The following CDK14 variants were observed in gnomAD, a reference collection of about 807,000 sequenced individuals.
The protein encoded by CDK14 is cyclin-dependent kinase 14.
CDK14 carries 34 observed loss-of-function variants against 60.7 expected under a neutral mutation model. The observed-to-expected ratio is 0.56, with a 90% CI of 0.43 to 0.75. The LOEUF (loss-of-function observed/expected upper bound fraction) is 0.75, where lower values mean the gene tolerates loss of function less well. Ranked by LOEUF, CDK14 falls within the 30% of genes least tolerant of loss-of-function variation. The pLI, the probability that CDK14 is intolerant of heterozygous loss-of-function variation, is 0.00. For missense variants in CDK14, 482 were observed against 564.1 expected, an observed-to-expected ratio of 0.85 and a Z score of 1.47; for synonymous variants, 197 against 203.7, an observed-to-expected ratio of 0.97 and a Z score of 0.28.
chr7:91,117,726 A>G (rs1799651276), intron 13 of CDK14, among the ~76,000 whole-genome samples: 1 of 152,232 alleles, frequency 6.6e-6, no homozygotes, highest in South Asian at 2.1e-4. Flanking sequence ...AATTCCCAGA[A>G]CAGTGTGAGG....
At chr7:91,086,520 C>T (rs1369330587) in intron 12 of CDK14, among the ~76,000 whole-genome samples, 2 of 152,106 alleles carry the variant, frequency 1.3e-5, no homozygotes, top group Non-Finnish European at 2.9e-5. Context: ...CCTTGATCTC[C>T]CCTAACTCTA....
At chr7:91,152,042 T>C (rs1428367606) in intron 14 of CDK14, among the ~76,000 whole-genome samples, 1 of 152,226 alleles carries the variant, frequency 6.6e-6, no homozygotes, top group Non-Finnish European at 1.5e-5. Flanking sequence ...ATGGGCTTGG[T>C]TGGCTTTGTA....
chr7:91,172,587 G>A (rs1257647977), intron 14 of CDK14, among the ~76,000 whole-genome samples: 3 of 152,286 alleles, frequency 2.0e-5, no homozygotes. Context: ...AGATGGTGAA[G>A]TAAATAATTC....
chr7:91,120,164 A>G (rs998950700), intron 14 of CDK14, among the ~76,000 whole-genome samples: 26 of 152,166 alleles, frequency 1.7e-4, no homozygotes, highest in African/African-American at 2.7e-4. Flanking sequence ...CTGAATTTCA[A>G]TTGCAAGGCT....
At chr7:91,172,205 T>C (rs971620732) in intron 14 of CDK14, among the ~76,000 whole-genome samples, 2 of 152,216 alleles carry the variant, frequency 1.3e-5, no homozygotes, top group Admixed American at 6.5e-5. Flanking sequence ...CCACCTTCAC[T>C]GGAAGATTCT....
chr7:90,928,974 C>T (rs1017184975), intron 8 of CDK14, among the ~76,000 whole-genome samples: 10 of 152,340 alleles, frequency 6.6e-5, no homozygotes, highest in Middle Eastern at 3.4e-3. Flanking sequence ...TCTCAGACTG[C>T]TGTGCCAGCA....
rs150081971 is a variant in CDK14, at chr7:91,010,140, G to A, written c.1041+25899G>A. ...CATAGACTGTTTCATCTTGATGTCA[G>A]TGCCACACTGTCTTGATTACCGTGG... On this transcript the variant is annotated intron_variant, in intron 10 of 14. Coordinates refer to ENST00000380050, the MANE Select transcript of CDK14 (RefSeq NM_001287135.2). Among the ~76,000 whole-genome samples the A allele has an allele frequency of 4.4e-3, 672 of 152,136 alleles. 2 individuals are homozygous for A. The highest frequency in any genetic ancestry group is 6.9e-3 in the South Asian group (33 of 4,814).
intron 3 of CDK14, among the ~76,000 whole-genome samples, chr7:90,730,931 G>A (rs538188806): frequency 2.0e-5 from 3 of 152,194 alleles, no homozygotes; most frequent in South Asian, 2.1e-4. Context: ...CTTTGCCCAT[G>A]CCTGTGTCCT....
chr7:90,987,308 C>T (rs1795400569), intron 10 of CDK14, among the ~76,000 whole-genome samples: 1 of 151,938 alleles, frequency 6.6e-6, no homozygotes, highest in Non-Finnish European at 1.5e-5. Flanking sequence ...ATTATTGATA[C>T]ACTAAACTAC....
chr7:90,957,731 T>C (rs1018866601), intron 9 of CDK14, among the ~76,000 whole-genome samples: 1 of 152,122 alleles, frequency 6.6e-6, no homozygotes, highest in Non-Finnish European at 1.5e-5. Flanking sequence ...GAACATTCCA[T>C]GCTCATGGGT....
chr7:90,799,965 G>C (rs62471262), intron 5 of CDK14, among the ~76,000 whole-genome samples: 11,030 of 151,988 alleles, frequency 0.073, 504 homozygotes, highest in South Asian at 0.11. Context: ...GACAAGAAAG[G>C]GTCTAAAAGA....
chr7:91,083,832 A>G (rs988126822), intron 12 of CDK14, among the ~76,000 whole-genome samples: 3 of 152,212 alleles, frequency 2.0e-5, no homozygotes, highest in African/African-American at 7.2e-5. Context: ...CCAGGAGGAC[A>G]AAGAGAAAAC....
At chr7:90,619,822 C>A (rs1000352581) in intron 2 of CDK14, among the ~76,000 whole-genome samples, 3 of 152,148 alleles carry the variant, frequency 2.0e-5, no homozygotes, top group African/African-American at 7.2e-5. Context: ...ATGGCAAAAC[C>A]CTGTCTCTAC....
chr7:91,110,439 G>A (rs542488693), intron 12 of CDK14, among the ~76,000 whole-genome samples: 3 of 152,230 alleles, frequency 2.0e-5, no homozygotes, highest in South Asian at 4.2e-4. Flanking sequence ...ATGAAACCAT[G>A]CTTCAGATGT....
chr7:90,910,814 G>T (rs992569967), intron 7 of CDK14, among the ~76,000 whole-genome samples: 2 of 152,114 alleles, frequency 1.3e-5, no homozygotes, highest in Admixed American at 6.6e-5. Context: ...TGTGCAGGAT[G>T]TGCAGGTTTG....
chr7:90,747,897 CCT>C (rs1491162499), intron 4 of CDK14, 122 bp downstream of exon 4: 3 of 284,556 alleles, frequency 1.1e-5, no homozygotes, highest in Non-Finnish European at 5.8e-6. Context: ...CTCACGGTAT[CCT>C]TTTTTTTTTT....
chr7:90,779,260 GA>G (rs1035976486), intron 4 of CDK14, among the ~76,000 whole-genome samples: 1 of 151,982 alleles, frequency 6.6e-6, no homozygotes, highest in East Asian at 1.9e-4. Flanking sequence ...CTCAAAAAAA[GA>G]AAAAAATATA....
At chr7:90,845,027 C>T (rs534550991) in intron 5 of CDK14, among the ~76,000 whole-genome samples, 10 of 152,298 alleles carry the variant, frequency 6.6e-5, no homozygotes, top group Middle Eastern at 6.8e-3. Flanking sequence ...ACTTGCCACA[C>T]TCTAACAAAA....
At chr7:90,710,890 A>G (rs1353132906) in intron 2 of CDK14, among the ~76,000 whole-genome samples, 3 of 152,090 alleles carry the variant, frequency 2.0e-5, no homozygotes, top group Admixed American at 6.6e-5. Context: ...CTTGAAGGAC[A>G]TGTTTTAATA....
Sources: allele counts gnomAD v4.1 joint callset (sites outside exome capture counted in the v4.1 genomes callset), GRCh38; gene constraint gnomAD v4.1.1; transcripts MANE v1.5; gene names NCBI Gene and HGNC (gene_info 2026-07-23, HGNC 2026-07-21).